SGCZ: variants seen among roughly 807,000 people sequenced by gnomAD.
SGCZ encodes the protein sarcoglycan zeta.
Under a neutral mutation model 41.3 loss-of-function variants are expected in SGCZ, and 40 were observed. The ratio of observed to expected loss-of-function variants is 0.97; its 90% CI spans 0.75 to 1.26. The LOEUF (loss-of-function observed/expected upper bound fraction) is 1.26, where lower values mean the gene tolerates loss of function less well. Among genes scored for constraint, SGCZ ranks in the 50% most tolerant of loss-of-function variants. The probability of loss-of-function intolerance (pLI) is 0.00; values close to 1 mark genes in which losing one functional copy is unlikely to be tolerated. For synonymous variants in SGCZ, 206 were observed against 137.5 expected (o/e 1.50, Z -3.49); for missense variants, 552 against 369.8 (o/e 1.49, Z -4.04).
intron 1 of SGCZ, among the ~76,000 whole-genome samples, chr8:14,642,697 CT>C (rs536932763): frequency 2.0e-5 from 3 of 151,320 alleles, no homozygotes; most frequent in East Asian, 1.9e-4. Flanking sequence ...GATAACTGGT[CT>C]TTTTTGTAAT....
chr8:14,574,985 G>C (rs1432161985), intron 1 of SGCZ, among the ~76,000 whole-genome samples: 4 of 152,146 alleles, frequency 2.6e-5, no homozygotes, highest in African/African-American at 4.8e-5. Flanking sequence ...TTCATTAAAA[G>C]AGGATGGTTT....
chr8:14,583,967 G>A (rs1310965445), intron 1 of SGCZ, among the ~76,000 whole-genome samples: 3 of 152,040 alleles, frequency 2.0e-5, no homozygotes, highest in Non-Finnish European at 2.9e-5. Flanking sequence ...GGTATTAAAC[G>A]TAATATTGTG....
chr8:14,637,310 ATT>A lies in SGCZ; in HGVS notation c.40-82386_40-82385del, dbSNP rs61226810. 4.9e-4 allele frequency among the ~76,000 whole-genome samples: 72 copies of A among 147,674 alleles called. 2 individuals carry two copies. In the South Asian group the frequency reaches 0.013, roughly 27 times the overall value. The stretch of plus-strand genomic sequence containing the variant: ...CTCTCCTTTTCTATTCTCTATTTTC[ATT>A]TTTTTTTTTAATTTCAACTTTTATT... On this transcript the variant is annotated intron_variant, in intron 1 of 7. Transcript: ENST00000382080.
At chr8:14,656,414 CT>C (rs771605762) in intron 1 of SGCZ, among the ~76,000 whole-genome samples, 249 of 127,602 alleles carry the variant, frequency 2.0e-3, no homozygotes, top group Non-Finnish European at 3.2e-3. Flanking sequence ...CTCCTCTCCT[CT>C]CCTTCCTTCC....
chr8:15,163,405 C>T (rs1237203344), intron 1 of SGCZ, among the ~76,000 whole-genome samples: 3 of 152,172 alleles, frequency 2.0e-5, no homozygotes, highest in Non-Finnish European at 4.4e-5. Context: ...TTTACCATTA[C>T]GCTAAGTTGC....
intron 1 of SGCZ, among the ~76,000 whole-genome samples, chr8:14,661,574 C>T (rs1008572647): frequency 6.6e-6 from 1 of 152,128 alleles, no homozygotes; most frequent in Non-Finnish European, 1.5e-5. Flanking sequence ...TCATCCCTGA[C>T]TTCTTGGGAG....
chr8:14,789,799 C>T (rs1184203913), intron 1 of SGCZ, among the ~76,000 whole-genome samples: 1 of 152,046 alleles, frequency 6.6e-6, no homozygotes, highest in East Asian at 1.9e-4. Flanking sequence ...ACTCTCAGTA[C>T]AAAATAAGTG....
chr8:14,353,742 G>A (rs928662954), intron 2 of SGCZ, among the ~76,000 whole-genome samples: 8 of 152,002 alleles, frequency 5.3e-5, no homozygotes, highest in Admixed American at 2.6e-4. Flanking sequence ...ATCCTGTAAT[G>A]TGCAGCCAGA....
chr8:14,747,240 G>C (rs947471873), intron 1 of SGCZ, among the ~76,000 whole-genome samples: 2 of 152,208 alleles, frequency 1.3e-5, no homozygotes, highest in African/African-American at 2.4e-5. Context: ...GAGGTGCTGA[G>C]TCGTGTGTGA....
At chr8:15,177,418 G>C (rs1015701643) in intron 1 of SGCZ, among the ~76,000 whole-genome samples, 1 of 152,172 alleles carries the variant, frequency 6.6e-6, no homozygotes, top group East Asian at 1.9e-4. Flanking sequence ...GCATGGCCAA[G>C]TATTCAGCAA....
intron 1 of SGCZ, among the ~76,000 whole-genome samples, chr8:15,195,984 G>A (rs1800716511): frequency 8.6e-6 from 1 of 115,994 alleles, no homozygotes. Flanking sequence ...TGCAAGCTCC[G>A]CCTCCCGGGT....
chr8:14,196,539 C>A (rs989728549), intron 4 of SGCZ, among the ~76,000 whole-genome samples: 3 of 152,060 alleles, frequency 2.0e-5, no homozygotes, highest in African/African-American at 7.2e-5. Context: ...TGCTAGCTAT[C>A]AATGCAAGAG....
At chr8:15,052,795 G>C (rs1431919634) in intron 1 of SGCZ, among the ~76,000 whole-genome samples, 1 of 152,078 alleles carries the variant, frequency 6.6e-6, no homozygotes, top group East Asian at 1.9e-4. Context: ...AATTTTGCTT[G>C]ACCCCAAATT....
At chr8:14,346,933 CT>C (rs1753181743) in intron 2 of SGCZ, among the ~76,000 whole-genome samples, 1 of 151,826 alleles carries the variant, frequency 6.6e-6, no homozygotes. Flanking sequence ...CGGACAGTGG[CT>C]TTGATAACAT....
intron 1 of SGCZ, among the ~76,000 whole-genome samples, chr8:15,230,520 T>A (rs1801909230): frequency 6.6e-6 from 1 of 152,244 alleles, no homozygotes. Flanking sequence ...TGTTTTGATG[T>A]TCAAATGAAG....
At chr8:14,605,205 C>T (rs1805710435) in intron 1 of SGCZ, among the ~76,000 whole-genome samples, 1 of 152,092 alleles carries the variant, frequency 6.6e-6, no homozygotes, top group African/African-American at 2.4e-5. Flanking sequence ...ACAGTGACTC[C>T]ATTAAAAATT....
At chr8:14,560,871 C>CA (rs5889539) in intron 1 of SGCZ, among the ~76,000 whole-genome samples, 3 of 151,352 alleles carry the variant, frequency 2.0e-5, no homozygotes, top group East Asian at 3.9e-4. Flanking sequence ...AAACAAAACA[C>CA]AAAAAAAAGT....
intron 4 of SGCZ, among the ~76,000 whole-genome samples, chr8:14,187,595 C>T (rs78873655): frequency 2.6e-5 from 4 of 150,980 alleles, no homozygotes; most frequent in Non-Finnish European, 5.9e-5. Context: ...CTAAAGTGTT[C>T]CACAGTAGAT....
intron 2 of SGCZ, among the ~76,000 whole-genome samples, chr8:14,554,469 T>C (rs545700324): frequency 1.2e-3 from 182 of 152,182 alleles, no homozygotes; most frequent in Non-Finnish European, 2.2e-3. Flanking sequence ...TAAATGTTCT[T>C]GAAATGTTCT....
Sources: gnomAD v4.1 joint callset for allele counts (sites outside exome capture counted in the v4.1 genomes callset) on GRCh38, gnomAD v4.1.1 for gene constraint, MANE v1.5 for transcripts, NCBI Gene and HGNC (gene_info 2026-07-23, HGNC 2026-07-21) for gene names.